The following STK32B variants were observed in gnomAD, a reference collection of about 807,000 sequenced individuals.
STK32B encodes serine/threonine kinase 32B, also known as serine/threonine-protein kinase 32B.
In STK32B, 43 loss-of-function variants were observed where a neutral mutation model predicts 52.6. The ratio of observed to expected loss-of-function variants is 0.82; its 90% CI spans 0.64 to 1.05. The LOEUF (loss-of-function observed/expected upper bound fraction) is 1.05, where lower values mean the gene tolerates loss of function less well. Among genes scored for constraint, STK32B ranks in the 50% least tolerant of loss-of-function variants. The pLI is 0.00. For synonymous variants in STK32B, 238 were observed against 204.3 expected (o/e 1.17, Z -1.41); for missense variants, 621 against 534.6 (o/e 1.16, Z -1.59).
At chr4:5,107,247 C>T (rs78489278) in intron 1 of STK32B, among the ~76,000 whole-genome samples, 1 of 151,986 alleles carries the variant, frequency 6.6e-6, no homozygotes, top group Non-Finnish European at 1.5e-5. Context: ...TCCCATCACC[C>T]CAAAATGAGA....
At chr4:5,303,555 T>G (rs939615079) in intron 3 of STK32B, among the ~76,000 whole-genome samples, 1 of 152,186 alleles carries the variant, frequency 6.6e-6, no homozygotes, top group Non-Finnish European at 1.5e-5. Flanking sequence ...GCTGATTTGT[T>G]TGAGTTCCTT....
chr4:5,148,287 A>G (rs1372968355), intron 2 of STK32B, among the ~76,000 whole-genome samples: 3 of 151,518 alleles, frequency 2.0e-5, no homozygotes, highest in Admixed American at 1.3e-4. Context: ...TCTTTCTCTT[A>G]TTTTCTTCAT....
rs115495206 is a variant in STK32B, at chr4:5,220,330, G to A, written c.260+51880G>A. ...AGGACAGGGTCCCAGCTCTCAATGA[G>A]ATCACAGTACTTTTGTGATGATTGG... On this transcript the variant is annotated intron_variant, in intron 3 of 11. Coordinates refer to ENST00000282908, the MANE Select transcript of STK32B (RefSeq NM_018401.3). 7.0e-3 allele frequency among the ~76,000 whole-genome samples: 1,067 copies of A among 152,326 alleles called. 12 individuals carry two copies. The highest frequency in any genetic ancestry group is 0.023 in the African/African-American group (950 of 41,576).
rs367714408 is a variant in STK32B, at chr4:5,398,272, G to T, written c.472+28G>T. On this transcript the variant is annotated intron_variant, in intron 5 of 11. Transcript: ENST00000282908. This position sits in a 1 kb window ranked among gnomAD's most constrained non-coding sequence, Gnocchi z 4.9. ...AAGCCTGCTACTAATCCTTTACAGG[G>T]ACTCTCAGTGGAAAGTTTGAGGCAC... 3.7e-6 allele frequency: 6 copies of T among 1,613,548 alleles called. No homozygotes were observed. Among genetic ancestry groups the T allele is most frequent in the East Asian group, 2.2e-5 (1 of 44,868 alleles).
At chr4:5,158,352 C>G (rs924137538) in intron 2 of STK32B, among the ~76,000 whole-genome samples, 2 of 152,152 alleles carry the variant, frequency 1.3e-5, no homozygotes, top group Admixed American at 1.3e-4. Flanking sequence ...TTTCCTGACA[C>G]TGTGATGTCC....
chr4:5,065,700 T>TA (rs918917032), intron 1 of STK32B, among the ~76,000 whole-genome samples: 2 of 149,900 alleles, frequency 1.3e-5, no homozygotes, highest in African/African-American at 2.5e-5. Flanking sequence ...ATAACTAACA[T>TA]ATATTTTTAT....
rs1432926274 is a variant in STK32B at position 5,500,211 on chromosome 4, GCTA to G, written c.*1132_*1134del. On this transcript the variant is annotated 3_prime_UTR_variant, in exon 12 of 12. Transcript: ENST00000282908. ...TTGTGTTCAGAATCCAGCCCTGCTG[GCTA>G]CTAACTAACTGGGAGACCTTAGGCA... 1 of 147,750 alleles carries G rather than the reference GCTA, an allele frequency of 6.8e-6. No individual in the cohort carries two copies. Among genetic ancestry groups the G allele is most frequent in the Non-Finnish European group, 1.5e-5 (1 of 67,260 alleles). The allele number at this position is 147,750 out of a possible 1,614,324, so 9.2% of individuals were successfully genotyped here.
At chr4:5,392,862 G>C (rs1424608638) in intron 4 of STK32B, among the ~76,000 whole-genome samples, 1 of 152,192 alleles carries the variant, frequency 6.6e-6, no homozygotes, top group East Asian at 1.9e-4. Flanking sequence ...AAGTTTAGCT[G>C]TTAATACTGT....
intron 3 of STK32B, among the ~76,000 whole-genome samples, chr4:5,189,520 A>T (rs1044433670): frequency 1.3e-5 from 2 of 152,168 alleles, no homozygotes; most frequent in Non-Finnish European, 2.9e-5. Context: ...ATATTCCATT[A>T]TCTGTACATG....
chr4:5,254,120 T>C (rs1317586704), intron 3 of STK32B, among the ~76,000 whole-genome samples: 1 of 152,230 alleles, frequency 6.6e-6, no homozygotes, highest in African/African-American at 2.4e-5. Flanking sequence ...TACTGAGATA[T>C]TCTATTTTTG....
intron 6 of STK32B, 80 bp from the exon 7 acceptor site, chr4:5,446,593 C>A (rs889242008): frequency 6.6e-5 from 68 of 1,037,172 alleles, no homozygotes; most frequent in Non-Finnish European, 8.4e-5. Context: ...AGCTCAATTT[C>A]TCTCCTTGTC....
In STK32B at chr4:5,140,413, C is replaced by T. The variant is rs972873801; in HGVS notation, c.108+453C>T. On this transcript the variant is annotated intron_variant, in intron 2 of 11. Coordinates refer to ENST00000282908, the MANE Select transcript of STK32B (RefSeq NM_018401.3). The stretch of plus-strand genomic sequence containing the variant: ...AACAAAAATACTCCCCCCAGTCAAG[C>T]TCCAGTCTGTTCCCACATACTCAGA... 5.0e-6 allele frequency: 4 copies of T among 807,224 alleles called. No homozygotes were observed. In the African/African-American group the frequency reaches 5.4e-5, roughly 11 times the overall value. 50.0% of individuals were successfully genotyped at this position (807,224 alleles called of 1,614,324 possible). A position where few individuals can be genotyped will look rare whatever the true frequency, so the allele number is the denominator to read the frequency against.
chr4:5,480,815 C>G (rs1243005354), intron 11 of STK32B, among the ~76,000 whole-genome samples: 4 of 151,462 alleles, frequency 2.6e-5, no homozygotes, highest in South Asian at 2.1e-4. Flanking sequence ...TCCCACCTAT[C>G]AGTGATAACA....
At chr4:5,202,892 G>A (rs1722269409) in intron 3 of STK32B, among the ~76,000 whole-genome samples, 1 of 152,202 alleles carries the variant, frequency 6.6e-6, no homozygotes, top group Non-Finnish European at 1.5e-5. Context: ...CATGGTGGGT[G>A]TCAACAGAAA....
intron 7 of STK32B, among the ~76,000 whole-genome samples, chr4:5,454,422 A>G (rs545563566): frequency 1.3e-5 from 2 of 152,036 alleles, no homozygotes; most frequent in Non-Finnish European, 2.9e-5. Context: ...TGTCTTGTTC[A>G]CATCGTCTTT....
At chr4:5,298,665 A>G (rs1470061949) in intron 3 of STK32B, among the ~76,000 whole-genome samples, 1 of 152,026 alleles carries the variant, frequency 6.6e-6, no homozygotes, top group Non-Finnish European at 1.5e-5. Flanking sequence ...ACAGGTATTG[A>G]CTTTAGACTG....
chr4:5,262,915 T>G (rs931518905), intron 3 of STK32B, among the ~76,000 whole-genome samples: 2 of 152,150 alleles, frequency 1.3e-5, no homozygotes, highest in Non-Finnish European at 2.9e-5. Context: ...ATAATGAAAG[T>G]AAAATCATTG....
chr4:5,472,923 C>T (rs1218656951), intron 11 of STK32B, among the ~76,000 whole-genome samples: 2 of 152,062 alleles, frequency 1.3e-5, no homozygotes, highest in Non-Finnish European at 2.9e-5. Flanking sequence ...TTGCAGGATA[C>T]TTAAATAATC....
chr4:5,262,730 G>A (rs115482676), intron 3 of STK32B, among the ~76,000 whole-genome samples: 4 of 152,142 alleles, frequency 2.6e-5, no homozygotes, highest in African/African-American at 7.2e-5. Context: ...GCATGTAAAT[G>A]TGATCTCATT....
Sources: gnomAD v4.1 joint callset for allele counts (sites outside exome capture counted in the v4.1 genomes callset) on GRCh38, gnomAD v4.1.1 for gene constraint, Gnocchi (gnomAD v3.1) non-coding constraint, MANE v1.5 for transcripts, NCBI Gene and HGNC (gene_info 2026-07-23, HGNC 2026-07-21) for gene names.